Variants in NCOA2 observed in about 807,000 individuals in gnomAD.
The protein encoded by NCOA2 is nuclear receptor coactivator 2.
NCOA2 carries 21 observed loss-of-function variants against 145.1 expected under a neutral mutation model. That is an observed-to-expected ratio of 0.14 (90% CI 0.10 to 0.21). The LOEUF (loss-of-function observed/expected upper bound fraction) is 0.21. Among genes scored for constraint, NCOA2 ranks in the 10% least tolerant of loss-of-function variants. The probability of loss-of-function intolerance (pLI) is 1.00; values close to 1 mark genes in which losing one functional copy is unlikely to be tolerated. For missense variants in NCOA2, 1,472 were observed against 1,837.6 expected (o/e 0.80, Z 3.64); for synonymous variants, 619 against 637.5 (o/e 0.97, Z 0.44).
At chr8:70,326,175 T>C (rs1806537429) in intron 1 of NCOA2, among the ~76,000 whole-genome samples, 1 of 152,218 alleles carries the variant, frequency 6.6e-6, no homozygotes, top group African/African-American at 2.4e-5. Flanking sequence ...GTCTACTACA[T>C]GTAATATAAA....
intron 1 of NCOA2, among the ~76,000 whole-genome samples, chr8:70,357,168 C>A (rs1014153685): frequency 6.6e-6 from 1 of 152,124 alleles, no homozygotes; most frequent in Non-Finnish European, 1.5e-5. Context: ...GAAATGCCCT[C>A]CTCTACCAGG....
rs544802950 is a variant in NCOA2, at chr8:70,196,079, G to T, written c.259+17824C>A. 7.6e-4 allele frequency among the ~76,000 whole-genome samples: 116 copies of T among 152,304 alleles called. 1 individual carries two copies. The South Asian group carries it at 0.012, about 16-fold the overall frequency. On this transcript the variant is annotated intron_variant, in intron 4 of 22. Coordinates refer to ENST00000452400, the MANE Select transcript of NCOA2 (RefSeq NM_006540.4). Reference sequence around the variant, plus strand: ...ATTCTCGCATCTGGAGGAGGAAGAAGAATAATAACCTTTCCTGGCTGGGCA... The same window carrying T: ...ATTCTCGCATCTGGAGGAGGAAGAATAATAATAACCTTTCCTGGCTGGGCA...
chr8:70,318,319 T>C (rs1199408083), intron 1 of NCOA2, among the ~76,000 whole-genome samples: 1 of 152,264 alleles, frequency 6.6e-6, no homozygotes, highest in Non-Finnish European at 1.5e-5. Flanking sequence ...AATAGGCTTC[T>C]GAATGTTCTC....
At chr8:70,214,716 A>G (rs749521590) in intron 3 of NCOA2, among the ~76,000 whole-genome samples, 6 of 152,162 alleles carry the variant, frequency 3.9e-5, no homozygotes, top group Admixed American at 1.3e-4. Context: ...AATTTCAACT[A>G]AAGTTTAAAA....
chr8:70,399,708 A>G (rs1205528429), intron 1 of NCOA2, among the ~76,000 whole-genome samples: 1 of 152,266 alleles, frequency 6.6e-6, no homozygotes, highest in Non-Finnish European at 1.5e-5. Context: ...TCATGACACA[A>G]TAATGGCCAA....
intron 15 of NCOA2, among the ~76,000 whole-genome samples, chr8:70,137,146 T>G (rs1196287280): frequency 6.6e-6 from 1 of 152,220 alleles, no homozygotes; most frequent in African/African-American, 2.4e-5. Context: ...TTCAAGCGAT[T>G]CTCCTGCCTC....
At chr8:70,154,540 G>A (rs753269168) in intron 11 of NCOA2, among the ~76,000 whole-genome samples, 1 of 152,142 alleles carries the variant, frequency 6.6e-6, no homozygotes, top group Non-Finnish European at 1.5e-5. Flanking sequence ...GAGTAGCTGA[G>A]ACTACAGGTG....
At chr8:70,136,761 C>T (rs1023673166) in intron 15 of NCOA2, among the ~76,000 whole-genome samples, 5 of 152,186 alleles carry the variant, frequency 3.3e-5, no homozygotes, top group African/African-American at 1.2e-4. Flanking sequence ...AAAAGCACTG[C>T]TCTTCTTTTA....
intron 21 of NCOA2, among the ~76,000 whole-genome samples, chr8:70,122,842 T>G (rs1807973787): frequency 6.6e-6 from 1 of 152,252 alleles, no homozygotes; most frequent in African/African-American, 2.4e-5. Flanking sequence ...CACAATCTTG[T>G]TCTAACAGAC....
At chr8:70,368,127 G>C (rs145297320) in intron 1 of NCOA2, among the ~76,000 whole-genome samples, 2 of 152,320 alleles carry the variant, frequency 1.3e-5, no homozygotes, top group African/African-American at 4.8e-5. Flanking sequence ...ACTCAAAGCT[G>C]CAACAATTTC....
At chr8:70,447,682 C>CTTTTTTTTTTTTTTTTTTT in the NCOA2 span, among the ~76,000 whole-genome samples, 8 of 113,092 alleles carry the variant, frequency 7.1e-5, no homozygotes, top group African/African-American at 3.0e-4. Flanking sequence ...TCTTTGTTTT[C>CTTTTTTTTTTTTTTTTTTT]TTTTTTTTTT....
chr8:70,197,855 G>C (rs1715961351), intron 4 of NCOA2, among the ~76,000 whole-genome samples: 1 of 146,232 alleles, frequency 6.8e-6, no homozygotes, highest in Non-Finnish European at 1.5e-5. Flanking sequence ...TTTTTTTAAA[G>C]ACAAGGCTTT....
Position 70,156,987 on chromosome 8 carries a change from C to G in NCOA2, c.1378G>C (p.Gly460Arg). The change falls in exon 11 of 23, where the codon GGT (glycine) becomes CGT (arginine). Residue 460 changes from glycine to arginine, a missense_variant. Gly to Arg is a moderately radical substitution (Grantham distance 125). This residue lies in a region of NCOA2 where 953 missense variants were observed against 1,062.1 expected (regional missense o/e 0.90). Coordinates refer to ENST00000452400, the MANE Select transcript of NCOA2 (RefSeq NM_006540.4). ...TTCATTTTGAGTGCATAGTTACTAC[C>G]CTGAGGAGTGGTTGCTTGCATGCCT... ...VSGMQATTPQ[G>R]SNYALKMNSP... 5 of 1,614,016 alleles carry G rather than the reference C, an allele frequency of 3.1e-6. No homozygotes were observed. The highest frequency in any genetic ancestry group is 4.2e-6 in the Non-Finnish European group (5 of 1,179,898).
chr8:70,217,810 A>C (rs1163490058), intron 2 of NCOA2, among the ~76,000 whole-genome samples: 1 of 152,216 alleles, frequency 6.6e-6, no homozygotes, highest in Non-Finnish European at 1.5e-5. Flanking sequence ...GCTTACCAAA[A>C]GAAAAAACAA....
At position 70,145,338 on chromosome 8, in the gene NCOA2, T is replaced by TTTTCTTTTTTA. The variant is rs1211142488; in HGVS notation, c.2606-491_2606-490insTAAAAAAGAAA. Among the ~76,000 whole-genome samples the TTTTCTTTTTTA allele has an allele frequency of 2.6e-5, 4 of 152,102 alleles. No individual in the cohort carries two copies. In the East Asian group the frequency reaches 7.7e-4, roughly 29 times the overall value. ...ATGCCCGGCTAATTTTTTCTTTTTT[T>TTTTCTTTTTTA]TTTTTGAGACGGAGTCTCGCTCTGT... On this transcript the variant is annotated intron_variant, in intron 12 of 22. Coordinates refer to ENST00000452400, the MANE Select transcript of NCOA2 (RefSeq NM_006540.4).
chr8:70,433,800 G>T, the NCOA2 span, among the ~76,000 whole-genome samples: 1 of 152,150 alleles, frequency 6.6e-6, no homozygotes, highest in Non-Finnish European at 1.5e-5. Flanking sequence ...TGATGAGATG[G>T]ATGAAGTTGC....
At chr8:70,298,440 A>G (rs1011069721) in intron 1 of NCOA2, among the ~76,000 whole-genome samples, 1 of 152,234 alleles carries the variant, frequency 6.6e-6, no homozygotes, top group Non-Finnish European at 1.5e-5. Context: ...GCAAATAAGA[A>G]GTTATCACAG....
chr8:70,341,522 T>G (rs1181512706), intron 1 of NCOA2, among the ~76,000 whole-genome samples: 2 of 152,250 alleles, frequency 1.3e-5, no homozygotes, highest in Non-Finnish European at 1.5e-5. Flanking sequence ...TACACATACA[T>G]AGCCACACAG....
intron 1 of NCOA2, among the ~76,000 whole-genome samples, chr8:70,343,616 C>A (rs1408350678): frequency 6.6e-6 from 1 of 151,960 alleles, no homozygotes; most frequent in East Asian, 1.9e-4. Context: ...GAGTTCGAGA[C>A]CAGCCTGGCC....
Sources: allele counts gnomAD v4.1 joint callset (sites outside exome capture counted in the v4.1 genomes callset), GRCh38; gene constraint gnomAD v4.1.1; regional missense constraint gnomAD v4.1.1; transcripts MANE v1.5; gene names NCBI Gene and HGNC (gene_info 2026-07-23, HGNC 2026-07-21).